The following ZNF804B variants were observed in gnomAD, a reference collection of about 807,000 sequenced individuals.
ZNF804B encodes the protein zinc finger 804B.
Under a neutral mutation model 101.4 loss-of-function variants are expected in ZNF804B, and 80 were observed. The ratio of observed to expected loss-of-function variants is 0.79; its 90% CI spans 0.66 to 0.95. The LOEUF (loss-of-function observed/expected upper bound fraction) is 0.95. ZNF804B is among the 40% of genes least tolerant of loss of function. The pLI is 0.00. For missense variants in ZNF804B, 1,673 were observed against 1,561.9 expected (o/e 1.07, Z -1.20); for synonymous variants, 622 against 558.8 (o/e 1.11, Z -1.59).
At position 88,986,248 on chromosome 7, in the gene ZNF804B, C is replaced by G. The variant is rs143200039; in HGVS notation, c.108+226164C>G. Among the ~76,000 whole-genome samples the G allele has an allele frequency of 8.9e-3, 1,351 of 152,168 alleles. 10 individuals carry two copies. The highest frequency in any genetic ancestry group is 0.013 in the Non-Finnish European group (909 of 67,986). On this transcript the variant is annotated intron_variant, in intron 1 of 3. Coordinates refer to ENST00000333190, the MANE Select transcript of ZNF804B (RefSeq NM_181646.5). Reference sequence around the variant, plus strand: ...CCTCTCATGCCTCACTGTATTTATTCTCATACTTCCAACCTCTTCAAAGCA... The same window carrying G: ...CCTCTCATGCCTCACTGTATTTATTGTCATACTTCCAACCTCTTCAAAGCA...
chr7:89,059,552 C>T (rs568645468), intron 1 of ZNF804B, among the ~76,000 whole-genome samples: 2 of 152,248 alleles, frequency 1.3e-5, no homozygotes, highest in Admixed American at 1.3e-4. Flanking sequence ...ATGAGGGATT[C>T]ACCATGATCC....
rs571238635 is a variant in ZNF804B at position 88,770,190 on chromosome 7, A to G, written c.108+10106A>G. Among the ~76,000 whole-genome samples, 36 of 152,290 alleles carry G rather than the reference A, an allele frequency of 2.4e-4. No individual in the cohort carries two copies. The South Asian group carries it at 7.5e-3, about 32-fold the overall frequency. Reference sequence around the variant, plus strand: ...ATATCCCCAAAGATGTTTATATTTGAGTCCCCAAAACCTACAAATCCAATA... The same window carrying G: ...ATATCCCCAAAGATGTTTATATTTGGGTCCCCAAAACCTACAAATCCAATA... On this transcript the variant is annotated intron_variant, in intron 1 of 3. Coordinates refer to ENST00000333190, the MANE Select transcript of ZNF804B (RefSeq NM_181646.5).
intron 1 of ZNF804B, among the ~76,000 whole-genome samples, chr7:89,140,086 G>C (rs1426997432): frequency 6.6e-6 from 1 of 152,004 alleles, no homozygotes. Flanking sequence ...CATTAATCTT[G>C]TAGAGATCCA....
chr7:88,991,609 C>T (rs922283249), intron 1 of ZNF804B, among the ~76,000 whole-genome samples: 1 of 152,158 alleles, frequency 6.6e-6, no homozygotes, highest in Non-Finnish European at 1.5e-5. Flanking sequence ...AACAATGGCT[C>T]AAGGGGCTAC....
chr7:88,786,643 A>T (rs114354849), intron 1 of ZNF804B, among the ~76,000 whole-genome samples: 2,304 of 152,174 alleles, frequency 0.015, 64 homozygotes, highest in African/African-American at 0.052. Context: ...AAAGAATAAA[A>T]TTTAATATAA....
chr7:89,075,418 C>G (rs1162868383), intron 1 of ZNF804B, among the ~76,000 whole-genome samples: 1 of 152,202 alleles, frequency 6.6e-6, no homozygotes, highest in Non-Finnish European at 1.5e-5. Flanking sequence ...ACAGCTCCAG[C>G]TGTGGCTTCA....
chr7:89,127,010 C>T (rs1225724800), intron 1 of ZNF804B, among the ~76,000 whole-genome samples: 1 of 91,140 alleles, frequency 1.1e-5, no homozygotes, highest in Non-Finnish European at 2.0e-5. Context: ...AAGCAGCCTA[C>T]AAAGACAAAG....
intron 1 of ZNF804B, among the ~76,000 whole-genome samples, chr7:89,152,465 TA>T (rs1022556420): frequency 1.4e-4 from 22 of 152,176 alleles, no homozygotes; most frequent in African/African-American, 4.8e-4. Flanking sequence ...AAAACATTTT[TA>T]TTAAAAAATG....
intron 1 of ZNF804B, among the ~76,000 whole-genome samples, chr7:89,192,759 T>C (rs1788476082): frequency 6.6e-6 from 1 of 151,846 alleles, no homozygotes; most frequent in Non-Finnish European, 1.5e-5. Flanking sequence ...CTCAACAAAA[T>C]ACTAGAAAAC....
intron 1 of ZNF804B, among the ~76,000 whole-genome samples, chr7:88,920,750 T>G (rs1792707494): frequency 6.6e-6 from 1 of 152,056 alleles, no homozygotes; most frequent in African/African-American, 2.4e-5. Flanking sequence ...AAAACTCATT[T>G]TATAGATACA....
intron 1 of ZNF804B, among the ~76,000 whole-genome samples, chr7:88,998,992 C>T (rs1355035949): frequency 2.0e-5 from 3 of 152,080 alleles, no homozygotes; most frequent in Non-Finnish European, 2.9e-5. Context: ...TTTTCTACTC[C>T]TGAAACAATC....
At chr7:89,013,902 A>T (rs1247443407) in intron 1 of ZNF804B, among the ~76,000 whole-genome samples, 2 of 152,168 alleles carry the variant, frequency 1.3e-5, no homozygotes, top group Non-Finnish European at 2.9e-5. Context: ...ATTTTATTTA[A>T]CAACCGCAGG....
At chr7:89,036,111 C>T (rs1223210641) in intron 1 of ZNF804B, among the ~76,000 whole-genome samples, 1 of 149,656 alleles carries the variant, frequency 6.7e-6, no homozygotes, top group African/African-American at 2.4e-5. Flanking sequence ...ATTGAACATT[C>T]AGTATTAACT....
chr7:89,195,232 A>G (rs1407097487), intron 1 of ZNF804B, among the ~76,000 whole-genome samples: 1,039 of 108,484 alleles, frequency 9.6e-3, no homozygotes, highest in Admixed American at 0.021. Context: ...AGCCAATATC[A>G]TACTGAATGG....
intron 1 of ZNF804B, among the ~76,000 whole-genome samples, chr7:88,809,588 CT>C (rs1231598174): frequency 6.6e-6 from 1 of 152,106 alleles, no homozygotes; most frequent in East Asian, 1.9e-4. Context: ...ATTTTAAAAA[CT>C]TGAGGGTAAG....
At chr7:89,094,638 G>C (rs892831516) in intron 1 of ZNF804B, among the ~76,000 whole-genome samples, 2 of 151,914 alleles carry the variant, frequency 1.3e-5, no homozygotes, top group Non-Finnish European at 2.9e-5. Flanking sequence ...CTTTGCTACA[G>C]TGTGTTTCTG....
intron 1 of ZNF804B, among the ~76,000 whole-genome samples, chr7:89,083,393 C>T (rs984948959): frequency 4.0e-5 from 6 of 151,762 alleles, no homozygotes; most frequent in Non-Finnish European, 5.9e-5. Context: ...TCCAAATGCA[C>T]TCTCTTGGTT....
At chr7:89,013,476 G>A (rs1010372551) in intron 1 of ZNF804B, among the ~76,000 whole-genome samples, 1 of 152,170 alleles carries the variant, frequency 6.6e-6, no homozygotes, top group Non-Finnish European at 1.5e-5. Context: ...CTGCAATTAA[G>A]TTGGGATATC....
intron 1 of ZNF804B, among the ~76,000 whole-genome samples, chr7:89,135,073 A>T (rs1004635688): frequency 6.6e-6 from 1 of 152,136 alleles, no homozygotes; most frequent in Non-Finnish European, 1.5e-5. Flanking sequence ...GTGATTAGAA[A>T]ATATTCGTTG....
Sources: gnomAD v4.1 joint callset for allele counts (sites outside exome capture counted in the v4.1 genomes callset) on GRCh38, gnomAD v4.1.1 for gene constraint, MANE v1.5 for transcripts, NCBI Gene and HGNC (gene_info 2026-07-23, HGNC 2026-07-21) for gene names.